The following SLC9A2 variants were observed in gnomAD, a reference collection of about 807,000 sequenced individuals.
SLC9A2 encodes the protein sodium/hydrogen exchanger 2.
Under a neutral mutation model 71.7 loss-of-function variants are expected in SLC9A2, and 42 were observed. That is an observed-to-expected ratio of 0.59 (90% CI 0.46 to 0.76). The LOEUF (loss-of-function observed/expected upper bound fraction) is 0.76. Among genes scored for constraint, SLC9A2 ranks in the 30% least tolerant of loss-of-function variants. The probability of loss-of-function intolerance (pLI) is 0.00; values close to 1 mark genes in which losing one functional copy is unlikely to be tolerated. For missense variants in SLC9A2, 829 were observed against 1,017.4 expected, an observed-to-expected ratio of 0.81 and a Z score of 2.52; for synonymous variants, 396 against 392.5, an observed-to-expected ratio of 1.01 and a Z score of -0.10.
chr2:102,697,140 C>T (rs1677782741), intron 7 of SLC9A2, among the ~76,000 whole-genome samples: 1 of 152,190 alleles, frequency 6.6e-6, no homozygotes, highest in African/African-American at 2.4e-5. Flanking sequence ...CCCAGAACAG[C>T]TGGTTCCCCT....
chr2:102,697,880 A>G (rs1270263125), intron 7 of SLC9A2, among the ~76,000 whole-genome samples: 1 of 151,832 alleles, frequency 6.6e-6, no homozygotes, highest in Non-Finnish European at 1.5e-5. Flanking sequence ...TTCTTGAGGC[A>G]TTTGATCCTT....
At chr2:102,625,828 A>G (rs1676236639) in intron 1 of SLC9A2, among the ~76,000 whole-genome samples, 1 of 152,186 alleles carries the variant, frequency 6.6e-6, no homozygotes, top group South Asian at 2.1e-4. Context: ...TCCTTTGGGT[A>G]TATACCCAGT....
At chr2:102,657,514 C>A (rs1676967004) in intron 1 of SLC9A2, 50 bp from the exon 2 acceptor site, 1 of 1,328,174 alleles carries the variant, frequency 7.5e-7, no homozygotes, top group Non-Finnish European at 1.0e-6. Flanking sequence ...TTCCTGTCTC[C>A]CAAATTCCTC....
chr2:102,667,303 G>A (rs1335493731), intron 3 of SLC9A2, among the ~76,000 whole-genome samples: 1 of 152,094 alleles, frequency 6.6e-6, no homozygotes, highest in Admixed American at 6.5e-5. Context: ...GTGTGGGGGC[G>A]GGACTTAGTA....
chr2:102,706,953 T>C (rs970757858), intron 11 of SLC9A2, among the ~76,000 whole-genome samples: 1 of 152,216 alleles, frequency 6.6e-6, no homozygotes, highest in African/African-American at 2.4e-5. Context: ...TAGGATTTCA[T>C]GTTATTAAAA....
At position 102,706,223 on chromosome 2, in the gene SLC9A2, G is replaced by T. The variant is rs1237794239; in HGVS notation, c.2068+287G>T. ...AGTCCCAGCTACTCGGGAGGCTGAG[G>T]CAGGAGAATGGCGTGAACCCAGGAA... On this transcript the variant is annotated intron_variant, in intron 11 of 11. Transcript: ENST00000233969. Among the ~76,000 whole-genome samples the T allele has an allele frequency of 3.8e-5, 2 of 52,378 alleles. 1 individual carries two copies. The highest frequency in any genetic ancestry group is 7.9e-5 in the Non-Finnish European group (2 of 25,404). The allele number at this position is 52,378 out of a possible 152,430, so 34.4% of individuals were successfully genotyped here.
chr2:102,691,370 A>G (rs1677658660), intron 5 of SLC9A2, among the ~76,000 whole-genome samples: 1 of 152,162 alleles, frequency 6.6e-6, no homozygotes, highest in Non-Finnish European at 1.5e-5. Context: ...GGTGATCTAA[A>G]TTAGAAATTT....
In SLC9A2 at chr2:102,690,839, C is replaced by T. The variant is rs142154540; in HGVS notation, c.1426-3575C>T. Among the ~76,000 whole-genome samples the T allele has an allele frequency of 3.8e-3, 582 of 152,046 alleles. 8 individuals are homozygous for T. The highest frequency in any genetic ancestry group is 0.013 in the African/African-American group (544 of 41,484). On this transcript the variant is annotated intron_variant, in intron 5 of 11. Coordinates refer to ENST00000233969, the MANE Select transcript of SLC9A2 (RefSeq NM_003048.6). Reference sequence around the variant, plus strand: ...GTGATATTTTTTAATACATGAAAATCGTTTCTATAAGTTTTTCTGGAAATT... The same window carrying T: ...GTGATATTTTTTAATACATGAAAATTGTTTCTATAAGTTTTTCTGGAAATT...
intron 5 of SLC9A2, among the ~76,000 whole-genome samples, chr2:102,685,867 G>T (rs1464853822): frequency 1.3e-5 from 2 of 152,186 alleles, no homozygotes; most frequent in Non-Finnish European, 2.9e-5. Context: ...CACTAGCAGA[G>T]AATTGGTATT....
intron 1 of SLC9A2, among the ~76,000 whole-genome samples, chr2:102,636,669 C>G (rs7567133): frequency 3.3e-5 from 5 of 152,146 alleles, no homozygotes; most frequent in South Asian, 2.1e-4. Context: ...GTTGAGAGAA[C>G]GATAAATCCT....
At chr2:102,699,825 C>T (rs1456372659) in intron 7 of SLC9A2, among the ~76,000 whole-genome samples, 1 of 152,086 alleles carries the variant, frequency 6.6e-6, no homozygotes, top group Admixed American at 6.6e-5. Context: ...CTCTGCTTGG[C>T]TTGTAGATGG....
At chr2:102,690,619 C>T (rs948679863) in intron 5 of SLC9A2, among the ~76,000 whole-genome samples, 1 of 152,096 alleles carries the variant, frequency 6.6e-6, no homozygotes, top group East Asian at 1.9e-4. Context: ...AAGGGGAAAT[C>T]AGTGTGCAGC....
chr2:102,706,734 A>G lies in SLC9A2; in HGVS notation c.2068+798A>G, dbSNP rs114499456. On this transcript the variant is annotated intron_variant, in intron 11 of 11. Coordinates refer to ENST00000233969, the MANE Select transcript of SLC9A2 (RefSeq NM_003048.6). ...GCAAATATTGTCATCATGGGGCCCA[A>G]GGGCAGGTAAACAAAAAGTTGTAAG... Among the ~76,000 whole-genome samples the G allele has an allele frequency of 5.3e-3, 814 of 152,326 alleles. 12 individuals are homozygous for G. The highest frequency in any genetic ancestry group is 0.018 in the African/African-American group (768 of 41,588).
chr2:102,626,981 G>C (rs934124937), intron 1 of SLC9A2, among the ~76,000 whole-genome samples: 2 of 152,140 alleles, frequency 1.3e-5, no homozygotes, highest in Admixed American at 6.6e-5. Context: ...ACAATGAACT[G>C]TTTGCATAAA....
rs763833456 is a variant in SLC9A2 at position 102,710,283 on chromosome 2, TATG to T, written c.*1797_*1799del. On this transcript the variant is annotated 3_prime_UTR_variant, in exon 12 of 12. Transcript: ENST00000233969. ...ACAAATTAAAACTGACATAAAATTT[TATG>T]ATAATAACATGATTCAAGAAATGTG... is the stretch of plus-strand genomic sequence containing the variant. 1.1e-4 allele frequency: 17 copies of T among 152,586 alleles called. No individual in the cohort carries two copies. The highest frequency in any genetic ancestry group is 2.1e-4 in the South Asian group (1 of 4,834). The allele number at this position is 152,586 out of a possible 1,614,324, so 9.5% of individuals were successfully genotyped here. A position where few individuals can be genotyped will look rare whatever the true frequency, so the allele number is the denominator to read the frequency against.
chr2:102,706,908 G>A (rs892455155), intron 11 of SLC9A2, among the ~76,000 whole-genome samples: 5 of 152,034 alleles, frequency 3.3e-5, no homozygotes, highest in African/African-American at 9.7e-5. Context: ...TGTAGACACC[G>A]AAGCCATTGT....
At chr2:102,672,411 C>A (rs1573419633) in intron 3 of SLC9A2, among the ~76,000 whole-genome samples, 1 of 151,902 alleles carries the variant, frequency 6.6e-6, no homozygotes, top group African/African-American at 2.4e-5. Context: ...TATTTGAAGA[C>A]TTGGTGACAT....
At chr2:102,702,328 C>T in intron 8 of SLC9A2, 78 bp from the exon 9 acceptor site, 4 of 800,994 alleles carry the variant, frequency 5.0e-6, no homozygotes, top group Non-Finnish European at 6.2e-6. Context: ...GTCTTAAATA[C>T]TTATATCTCT....
At chr2:102,638,062 G>A (rs1676504267) in intron 1 of SLC9A2, among the ~76,000 whole-genome samples, 1 of 152,192 alleles carries the variant, frequency 6.6e-6, no homozygotes, top group South Asian at 2.1e-4. Context: ...TTGGACAGAA[G>A]AATTTACATG....
Sources: allele counts gnomAD v4.1 joint callset (sites outside exome capture counted in the v4.1 genomes callset), GRCh38; gene constraint gnomAD v4.1.1; transcripts MANE v1.5; gene names NCBI Gene and HGNC (gene_info 2026-07-23, HGNC 2026-07-21).